TNFRSF25: variants seen among roughly 807,000 people sequenced by gnomAD.
TNFRSF25 encodes TNF receptor superfamily member 25, also known as tumor necrosis factor receptor superfamily member 25.
A neutral mutation model predicts 49.4 loss-of-function variants in TNFRSF25; 28 were observed. The observed-to-expected ratio is 0.57, with a 90% confidence interval of 0.42 to 0.78. The LOEUF (loss-of-function observed/expected upper bound fraction) is 0.78, where lower values mean the gene tolerates loss of function less well. Among genes scored for constraint, TNFRSF25 ranks in the 30% least tolerant of loss-of-function variants. The pLI is 0.00. For missense variants in TNFRSF25, 531 were observed against 581.6 expected (o/e 0.91, Z 0.90); for synonymous variants, 240 against 234.2 (o/e 1.02, Z -0.23).
chr1:6,465,283 T>TTGC, intron 2 of TNFRSF25, 61 bp from the exon 3 acceptor site: 1 of 1,513,190 alleles, frequency 6.6e-7, no homozygotes, highest in Non-Finnish European at 9.0e-7. Context: ...CCGACCTGCT[T>TTGC]CCCACCCTGC....
chr1:6,465,780 T>C (rs1569810386), intron 1 of TNFRSF25: 1 of 1,425,804 alleles, frequency 7.0e-7, no homozygotes, highest in East Asian at 2.6e-5. Context: ...CCTCACAAGT[T>C]TCCCCTCCAC....
In TNFRSF25 at chr1:6,461,079, G is replaced by A. The variant is rs976512890; in HGVS notation, c.*355C>T. 4 of 503,920 alleles carry A rather than the reference G, an allele frequency of 7.9e-6. No individual in the cohort carries two copies. Among genetic ancestry groups the A allele is most frequent in the South Asian group, 3.2e-5 (2 of 62,944 alleles). The allele number at this position is 503,920 out of a possible 1,614,324, so 31.2% of individuals were successfully genotyped here. A position where few individuals can be genotyped will look rare whatever the true frequency, so the allele number is the denominator to read the frequency against. On this transcript the variant is annotated 3_prime_UTR_variant, in exon 10 of 10. Coordinates refer to ENST00000356876, the MANE Select transcript of TNFRSF25 (RefSeq NM_003790.3). The surrounding 1 kb of genome is among the most constrained non-coding windows in gnomAD (Gnocchi z 6.3). ...CAGATCCCGGGGTGACAAGATTCCC[G>A]TCCCCTTCGAATCCCTCGAGAAAAG...
At position 6,462,466 on chromosome 1, in the gene TNFRSF25, G is replaced by A; in HGVS notation, c.744+163C>T. 1 of 1,476,536 alleles carries A rather than the reference G, an allele frequency of 6.8e-7. No individual in the cohort carries two copies. The highest frequency in any genetic ancestry group is 1.4e-5 in the African/African-American group (1 of 70,824). 91.5% of individuals were successfully genotyped at this position (1,476,536 alleles called of 1,614,324 possible). ...CTCCAGCTGACTGAGCACCCCTTGA[G>A]GGCAGGCACTGTGCTGGTCTCATCC... On this transcript the variant is annotated intron_variant, in intron 8 of 9. Transcript: ENST00000356876. This position sits in a 1 kb window ranked among gnomAD's most constrained non-coding sequence, Gnocchi z 4.2.
intron 5 of TNFRSF25, 114 bp from the exon 6 acceptor site, chr1:6,463,241 C>A: frequency 9.6e-7 from 1 of 1,037,496 alleles, no homozygotes; most frequent in Non-Finnish European, 1.4e-6. Flanking sequence ...AGGCCTCTCA[C>A]TCTACCCAAG....
intron 1 of TNFRSF25, 85 bp from the exon 2 acceptor site, chr1:6,465,645 A>C: frequency 6.5e-7 from 1 of 1,533,378 alleles, no homozygotes; most frequent in Non-Finnish European, 8.8e-7. Context: ...CAGAGGCCCC[A>C]GCATTTGCCC....
rs1386637663 is a variant in TNFRSF25 at position 6,465,426 on chromosome 1, C to T, written c.160+14G>A. ...TGCCTGCCCCATGCCTCTCCCACCC[C>T]TGTGGCCACTTACCCGCTGGGCAGC... On this transcript the variant is annotated intron_variant, in intron 2 of 9. Coordinates refer to ENST00000356876, the MANE Select transcript of TNFRSF25 (RefSeq NM_003790.3). 1.2e-6 allele frequency: 2 copies of T among 1,613,946 alleles called. No individual in the cohort carries two copies. Among genetic ancestry groups the T allele is most frequent in the Non-Finnish European group, 1.7e-6 (2 of 1,180,014 alleles).
Position 6,462,041 on chromosome 1 carries a change from C to G in TNFRSF25, c.878G>C (p.Cys293Ser), listed in dbSNP as rs140799809. The change falls in exon 9 of 10, where the codon TGC becomes TCC. Residue 293 changes from cysteine (C) to serine (S), a missense_variant. Transcript: ENST00000356876. This position sits in a 1 kb window ranked among gnomAD's most constrained non-coding sequence, Gnocchi z 4.2. ...PGYPETQEAL[C>S]PQVTWSWDQL... ...GTCCCAGGACCATGTCACCTGCGGG[C>G]AGAGCGCCTCCTGGGTCTCGGGGTA... The G allele has an allele frequency of 6.2e-6, 10 of 1,613,292 alleles. No individual in the cohort carries two copies. Among genetic ancestry groups the G allele is most frequent in the Non-Finnish European group, 8.5e-6 (10 of 1,179,850 alleles).
rs750190030 is a variant in TNFRSF25 at position 6,463,158 on chromosome 1, A to AG, written c.543-32dup. 7.4e-5 allele frequency: 114 copies of AG among 1,548,342 alleles called. 1 individual carries two copies. The East Asian group carries it at 2.7e-3, about 37-fold the overall frequency. On this transcript the variant is annotated intron_variant, in intron 5 of 9. Coordinates refer to ENST00000356876, the MANE Select transcript of TNFRSF25 (RefSeq NM_003790.3). Reference sequence around the variant, plus strand: ...AGGGACGGGGGTGGCCTGAGGGATGAGGGGGTGCATGCCAGGAGGGGCTCC... The same window carrying AG: ...AGGGACGGGGGTGGCCTGAGGGATGAGGGGGGTGCATGCCAGGAGGGGCTCC...
At position 6,464,613 on chromosome 1, in the gene TNFRSF25, T is replaced by A. The variant is rs759656493; in HGVS notation, c.402A>T (p.Ser134=). 1 of 1,613,774 alleles carries A rather than the reference T, an allele frequency of 6.2e-7. No homozygotes were observed. The highest frequency in any genetic ancestry group is 8.5e-7 in the Non-Finnish European group (1 of 1,179,944). The change falls in exon 4 of 10, where the codon TCA becomes TCT. Residue 134 remains serine (S), a synonymous_variant. Transcript: ENST00000356876. ...ECQVSQCVSS[S]PFYCQPCLDC... ...CTAGGCATGGTTGGCAGTAGAAGGG[T>A]GAACTGCTGACACATTGGCTGACCT...
At position 6,462,345 on chromosome 1, in the gene TNFRSF25, G is replaced by T; in HGVS notation, c.745-171C>A. The T allele has an allele frequency of 8.6e-7, 1 of 1,159,460 alleles. No homozygotes were observed. Among genetic ancestry groups the T allele is most frequent in the East Asian group, 2.6e-5 (1 of 38,728 alleles). 71.8% of individuals were successfully genotyped at this position (1,159,460 alleles called of 1,614,324 possible). A position where few individuals can be genotyped will look rare whatever the true frequency, so the allele number is the denominator to read the frequency against. ...GTAGCCCAGCAGAACTCTTGCTTCT[G>T]CCTTGAGTCCCCTGCCCCCGCCTCC... is the stretch of plus-strand genomic sequence containing the variant. On this transcript the variant is annotated intron_variant, in intron 8 of 9. Coordinates refer to ENST00000356876, the MANE Select transcript of TNFRSF25 (RefSeq NM_003790.3). This position sits in a 1 kb window ranked among gnomAD's most constrained non-coding sequence, Gnocchi z 4.2.
chr1:6,463,330 C>A, intron 5 of TNFRSF25: 1 of 614,614 alleles, frequency 1.6e-6, no homozygotes, highest in Non-Finnish European at 2.9e-6. Flanking sequence ...TGAAGAGTCA[C>A]TAGAATGTCA....
At chr1:6,463,841 C>A (rs1644254819) in intron 5 of TNFRSF25, 1 of 151,898 alleles carries the variant, frequency 6.6e-6, no homozygotes, top group Admixed American at 6.6e-5. Context: ...AGGGACACCA[C>A]ACATCAGAGA....
rs1358049317 is a variant in TNFRSF25, at chr1:6,462,692, C to G, written c.707-26G>C. 1.9e-6 allele frequency: 3 copies of G among 1,612,024 alleles called. No homozygotes were observed. The African/African-American group carries it at 4.0e-5, about 22-fold the overall frequency. On this transcript the variant is annotated intron_variant, in intron 7 of 9. Transcript: ENST00000356876. This position sits in a 1 kb window ranked among gnomAD's most constrained non-coding sequence, Gnocchi z 4.2. ...CTGACAGACACAGAGAGATTGCGGTCAGCCACCAGGCAAGCCTCCTGGACC... is the reference window on the plus strand; with the variant it reads ...CTGACAGACACAGAGAGATTGCGGTGAGCCACCAGGCAAGCCTCCTGGACC...
At chr1:6,463,288 GAC>G (rs1468281646) in intron 5 of TNFRSF25, 161 bp from the exon 6 acceptor site, 7 of 676,732 alleles carry the variant, frequency 1.0e-5, no homozygotes, top group Non-Finnish European at 1.7e-5. Flanking sequence ...AACAACCACA[GAC>G]ACTATTCACT....
At position 6,466,069 on chromosome 1, in the gene TNFRSF25, C is replaced by T; in HGVS notation, c.39G>A (p.Ala13=). Reference sequence around the variant, plus strand: ...CCTAGCCTCCTGCGTCTCAACTCACCGCCGCCACCGCCGCGCAGCCCCGCG... The same window carrying T: ...CCTAGCCTCCTGCGTCTCAACTCACTGCCGCCACCGCCGCGCAGCCCCGCG... The part of the protein sequence containing the change: ...QRPRGCAAVA[A]ALLLVLLGAR... The change falls in exon 1 of 10, where the codon GCG becomes GCA. Residue 13 remains alanine (A), a splice_region_variant and synonymous_variant. Coordinates refer to ENST00000356876, the MANE Select transcript of TNFRSF25 (RefSeq NM_003790.3). 1.3e-6 allele frequency: 2 copies of T among 1,577,760 alleles called. No homozygotes were observed. The highest frequency in any genetic ancestry group is 1.1e-5 in the South Asian group (1 of 87,454).
At position 6,461,392 on chromosome 1, in the gene TNFRSF25, G is replaced by C; in HGVS notation, c.*42C>G. On this transcript the variant is annotated 3_prime_UTR_variant, in exon 10 of 10. Transcript: ENST00000356876. The surrounding 1 kb of genome is among the most constrained non-coding windows in gnomAD (Gnocchi z 6.3). ...ATAAGTAACCGTACTTAGGGCTTCT[G>C]CAAGGGCCACCAGAGCGCCTAGGTG... is the stretch of plus-strand genomic sequence containing the variant. 2.7e-6 allele frequency: 4 copies of C among 1,475,296 alleles called. No individual in the cohort carries two copies. Among genetic ancestry groups the C allele is most frequent in the Non-Finnish European group, 2.7e-6 (3 of 1,112,372 alleles). The allele number at this position is 1,475,296 out of a possible 1,614,324, so 91.4% of individuals were successfully genotyped here.
intron 4 of TNFRSF25, 27 bp from the exon 5 acceptor site, chr1:6,464,480 C>T: frequency 1.2e-6 from 2 of 1,611,804 alleles, no homozygotes. Context: ...GCATGCGTCA[C>T]CATGGGACAG....
chr1:6,463,283 CCA>C, intron 5 of TNFRSF25, 156 bp from the exon 6 acceptor site: 2 of 689,518 alleles, frequency 2.9e-6, no homozygotes, highest in Non-Finnish European at 2.4e-6. Flanking sequence ...CTGGTAACAA[CCA>C]CAGACACTAT....
rs899089144 is a variant in TNFRSF25 at position 6,464,180 on chromosome 1, ATC to A, written c.542+193_542+194del. 15 of 1,443,570 alleles carry A rather than the reference ATC, an allele frequency of 1.0e-5. No individual in the cohort carries two copies. In the Admixed American group the frequency reaches 1.4e-4, roughly 13 times the overall value. 89.4% of individuals were successfully genotyped at this position (1,443,570 alleles called of 1,614,324 possible). A position where few individuals can be genotyped will look rare whatever the true frequency, so the allele number is the denominator to read the frequency against. Reference sequence around the variant, plus strand: ...AAAGTGAAGGCAAATACCCTTATGTATCTGGCTAAGGCGGATCCAGATTGCTC... The same window carrying A: ...AAAGTGAAGGCAAATACCCTTATGTATGGCTAAGGCGGATCCAGATTGCTC... On this transcript the variant is annotated intron_variant, in intron 5 of 9. Transcript: ENST00000356876.
Sources: allele counts gnomAD v4.1 joint callset, GRCh38; gene constraint gnomAD v4.1.1; non-coding constraint Gnocchi (gnomAD v3.1); transcripts MANE v1.5; gene names NCBI Gene and HGNC (gene_info 2026-07-23, HGNC 2026-07-21).